The following MYO1D variants were observed in gnomAD, a reference collection of about 807,000 sequenced individuals.
The protein encoded by MYO1D is unconventional myosin-Id.
Under a neutral mutation model 122.0 loss-of-function variants are expected in MYO1D, and 83 were observed. That is an observed-to-expected ratio of 0.68 (90% CI 0.57 to 0.82). The LOEUF is 0.82. Ranked by LOEUF, MYO1D falls within the 40% of genes least tolerant of loss-of-function variation. MYO1D has a pLI of 0.00. For synonymous variants in MYO1D, 464 were observed against 446.9 expected, an observed-to-expected ratio of 1.04 and a Z score of -0.48; for missense variants, 1,157 against 1,269.5, an observed-to-expected ratio of 0.91 and a Z score of 1.35.
At chr17:32,597,265 A>G (rs1231768030) in intron 21 of MYO1D, among the ~76,000 whole-genome samples, 2 of 152,202 alleles carry the variant, frequency 1.3e-5, no homozygotes, top group African/African-American at 4.8e-5. Flanking sequence ...CATGAAAAAC[A>G]AATAAATCTC....
intron 20 of MYO1D, among the ~76,000 whole-genome samples, chr17:32,618,075 C>T (rs373593177): frequency 6.6e-6 from 1 of 152,128 alleles, no homozygotes; most frequent in African/African-American, 2.4e-5. Flanking sequence ...TGTGACTGCA[C>T]GCCTGGATCA....
chr17:32,817,700 C>G (rs563975719), intron 1 of MYO1D, among the ~76,000 whole-genome samples: 2 of 152,342 alleles, frequency 1.3e-5, no homozygotes, highest in African/African-American at 2.4e-5. Context: ...CCAACACTCA[C>G]TGAGCGTTAC....
At chr17:32,700,742 G>A (rs1486528642) in intron 16 of MYO1D, among the ~76,000 whole-genome samples, 1 of 151,980 alleles carries the variant, frequency 6.6e-6, no homozygotes, top group Non-Finnish European at 1.5e-5. Flanking sequence ...TCAGGAGTTC[G>A]AGACCAGCCT....
At chr17:32,730,452 C>G (rs2089624742) in intron 14 of MYO1D, among the ~76,000 whole-genome samples, 1 of 152,148 alleles carries the variant, frequency 6.6e-6, no homozygotes, top group African/African-American at 2.4e-5. Context: ...TTCAGAGTTT[C>G]ACTTAGTATA....
intron 16 of MYO1D, among the ~76,000 whole-genome samples, chr17:32,704,614 C>T (rs2150982552): frequency 6.6e-6 from 1 of 152,300 alleles, no homozygotes; most frequent in Non-Finnish European, 1.5e-5. Flanking sequence ...GTAGTAGTAG[C>T]AGCACTAGTA....
At chr17:32,676,620 G>A (rs2088813442) in intron 16 of MYO1D, among the ~76,000 whole-genome samples, 1 of 151,954 alleles carries the variant, frequency 6.6e-6, no homozygotes, top group South Asian at 2.1e-4. Flanking sequence ...ACCTGTGGCG[G>A]CTGAAATTGT....
chr17:32,732,363 C>T (rs774011747), intron 14 of MYO1D, among the ~76,000 whole-genome samples: 17 of 152,198 alleles, frequency 1.1e-4, no homozygotes, highest in Admixed American at 3.3e-4. Context: ...GACCAATCAG[C>T]GCACACTTCC....
rs567511117 is a variant in MYO1D, at chr17:32,855,397, T to C, written c.95+21381A>G. Among the ~76,000 whole-genome samples, 170 of 152,346 alleles carry C rather than the reference T, an allele frequency of 1.1e-3. 1 individual carries two copies. The highest frequency in any genetic ancestry group is 2.0e-3 in the Non-Finnish European group (138 of 68,032). ...ACACCATAGATTAGTGTTGCTTGTT[T>C]TTGAATTCTATATAAATGAAAGCAT... On this transcript the variant is annotated intron_variant, in intron 1 of 21. Coordinates refer to ENST00000318217, the MANE Select transcript of MYO1D (RefSeq NM_015194.3).
chr17:32,614,694 A>G (rs187287564), intron 20 of MYO1D, among the ~76,000 whole-genome samples: 113 of 152,122 alleles, frequency 7.4e-4, no homozygotes, highest in Non-Finnish European at 1.5e-3. Context: ...TGGGCTCATC[A>G]TGGAAATGGT....
chr17:32,671,021 G>A (rs1315416304), intron 16 of MYO1D, among the ~76,000 whole-genome samples: 1 of 152,232 alleles, frequency 6.6e-6, no homozygotes, highest in African/African-American at 2.4e-5. Flanking sequence ...GTGGTCCTGA[G>A]CTGGCCCAGG....
rs181572331 is a variant in MYO1D at position 32,772,127 on chromosome 17, T to C, written c.618+662A>G. Among the ~76,000 whole-genome samples the C allele has an allele frequency of 1.1e-4, 17 of 152,358 alleles. No individual in the cohort carries two copies. The East Asian group carries it at 3.3e-3, about 29-fold the overall frequency. Reference sequence around the variant, plus strand: ...GTATTGTCACCGTTCAGTTACTTTCTGTTAACCTTGATTTACATTAATTTG... The same window carrying C: ...GTATTGTCACCGTTCAGTTACTTTCCGTTAACCTTGATTTACATTAATTTG... On this transcript the variant is annotated intron_variant, in intron 5 of 21. Transcript: ENST00000318217.
chr17:32,498,611 C>T (rs1301964738), intron 21 of MYO1D: 1 of 152,134 alleles, frequency 6.6e-6, no homozygotes, highest in African/African-American at 2.4e-5. Context: ...CGCCTGCCCT[C>T]GTGGAATTTA....
rs569303525 is a variant in MYO1D, at chr17:32,528,172, G to A, written c.2865-33257C>T. On this transcript the variant is annotated intron_variant, in intron 21 of 21. Transcript: ENST00000318217. ...TTATGGTGGTAAAATTGGCCCATTT[G>A]GGTTCTACCCCACTTAAGGCTTGCC... is the stretch of plus-strand genomic sequence containing the variant. Among the ~76,000 whole-genome samples the A allele has an allele frequency of 1.3e-3, 199 of 152,302 alleles. 1 individual carries two copies. The highest frequency in any genetic ancestry group is 4.6e-3 in the African/African-American group (190 of 41,582).
At chr17:32,586,606 A>C (rs1469646140) in intron 21 of MYO1D, among the ~76,000 whole-genome samples, 1 of 152,160 alleles carries the variant, frequency 6.6e-6, no homozygotes, top group African/African-American at 2.4e-5. Flanking sequence ...AGTTTTACCC[A>C]ATTTCTTCTC....
chr17:32,857,968 A>G (rs1425254028), intron 1 of MYO1D, among the ~76,000 whole-genome samples: 6 of 152,234 alleles, frequency 3.9e-5, no homozygotes, highest in Non-Finnish European at 8.8e-5. Flanking sequence ...AGTTTCTAGC[A>G]AAAAGCTTTA....
chr17:32,593,086 G>T (rs962652916), intron 21 of MYO1D, among the ~76,000 whole-genome samples: 1 of 151,278 alleles, frequency 6.6e-6, no homozygotes, highest in Admixed American at 6.6e-5. Context: ...ACTGGGGTAG[G>T]TGTCTTACCC....
Position 32,836,649 on chromosome 17 carries a change from A to G in MYO1D, c.95+40129T>C, listed in dbSNP as rs538765186. ...CATTCATGTTGTTGTGTGTGTCACT[A>G]ATTTGTTATTTCATTATCACCATAC... On this transcript the variant is annotated intron_variant, in intron 1 of 21. Coordinates refer to ENST00000318217, the MANE Select transcript of MYO1D (RefSeq NM_015194.3). 1.5e-4 allele frequency among the ~76,000 whole-genome samples: 23 copies of G among 152,262 alleles called. No individual in the cohort carries two copies. In the South Asian group the frequency reaches 3.9e-3, roughly 26 times the overall value.
intron 21 of MYO1D, among the ~76,000 whole-genome samples, chr17:32,507,796 C>T (rs1374945618): frequency 6.6e-6 from 1 of 151,762 alleles, no homozygotes; most frequent in African/African-American, 2.4e-5. Flanking sequence ...AACCAGGGTG[C>T]TTGCTTTCTC....
intron 16 of MYO1D, among the ~76,000 whole-genome samples, chr17:32,679,200 T>G (rs2088869633): frequency 6.6e-6 from 1 of 150,738 alleles, no homozygotes; most frequent in Non-Finnish European, 1.5e-5. Context: ...TTTCTCCCAT[T>G]TTGTAGGTTG....
Sources: allele counts gnomAD v4.1 joint callset (sites outside exome capture counted in the v4.1 genomes callset), GRCh38; gene constraint gnomAD v4.1.1; transcripts MANE v1.5; gene names NCBI Gene and HGNC (gene_info 2026-07-23, HGNC 2026-07-21).